Variants in SYNDIG1 observed in about 807,000 individuals in gnomAD.
SYNDIG1 encodes synapse differentiation inducing 1.
Under a neutral mutation model 19.4 loss-of-function variants are expected in SYNDIG1, and 9 were observed. That is an observed-to-expected ratio of 0.46 (90% CI 0.28 to 0.81). SYNDIG1 has a LOEUF of 0.81. SYNDIG1 is among the 30% of genes least tolerant of loss of function. The pLI, the probability that SYNDIG1 is intolerant of heterozygous loss-of-function variation, is 0.12. For synonymous variants in SYNDIG1, 141 were observed against 145.9 expected, an observed-to-expected ratio of 0.97 and a Z score of 0.24; for missense variants, 311 against 343.3, an observed-to-expected ratio of 0.91 and a Z score of 0.74.
chr20:24,562,631 C>T (rs2057968657), intron 2 of SYNDIG1, among the ~76,000 whole-genome samples: 1 of 152,148 alleles, frequency 6.6e-6, no homozygotes, highest in Non-Finnish European at 1.5e-5. Flanking sequence ...TCTTCATTTT[C>T]CTCTGAAACA....
chr20:24,548,697 T>C (rs2057640964), intron 2 of SYNDIG1, among the ~76,000 whole-genome samples: 1 of 152,190 alleles, frequency 6.6e-6, no homozygotes. Flanking sequence ...GGGGTTTTGT[T>C]TTGCTCATTT....
intron 3 of SYNDIG1, among the ~76,000 whole-genome samples, chr20:24,627,063 G>A (rs1009014437): frequency 6.6e-6 from 1 of 151,918 alleles, no homozygotes; most frequent in African/African-American, 2.4e-5. Context: ...GAGGGAGACC[G>A]TGGAAAGAGA....
chr20:24,493,638 C>G (rs2056218697), intron 1 of SYNDIG1, among the ~76,000 whole-genome samples: 1 of 152,250 alleles, frequency 6.6e-6, no homozygotes, highest in African/African-American at 2.4e-5. Flanking sequence ...TTTGTCACTG[C>G]TCTGTCAACT....
At chr20:24,623,633 G>A (rs2059072801) in intron 3 of SYNDIG1, among the ~76,000 whole-genome samples, 1 of 152,114 alleles carries the variant, frequency 6.6e-6, no homozygotes, top group African/African-American at 2.4e-5. Flanking sequence ...AAATGAGAAG[G>A]GCATTGACAA....
intron 3 of SYNDIG1, among the ~76,000 whole-genome samples, chr20:24,599,708 T>TA (rs768354351): frequency 2.4e-4 from 36 of 152,214 alleles, no homozygotes; most frequent in Non-Finnish European, 4.0e-4. Flanking sequence ...TGGAGATTAT[T>TA]AAGTGAAATA....
At chr20:24,516,109 C>T (rs544279370) in intron 1 of SYNDIG1, among the ~76,000 whole-genome samples, 6 of 152,156 alleles carry the variant, frequency 3.9e-5, no homozygotes, top group Non-Finnish European at 8.8e-5. Context: ...TATTTAATAA[C>T]TGGTGCTGGG....
At chr20:24,565,810 C>T (rs1476562570) in intron 2 of SYNDIG1, among the ~76,000 whole-genome samples, 1 of 152,138 alleles carries the variant, frequency 6.6e-6, no homozygotes, top group Non-Finnish European at 1.5e-5. Flanking sequence ...CTCAACCACT[C>T]CATGGGCTTT....
chr20:24,611,595 G>A (rs1213326161), intron 3 of SYNDIG1, among the ~76,000 whole-genome samples: 6 of 149,944 alleles, frequency 4.0e-5, no homozygotes, highest in South Asian at 2.1e-4. Flanking sequence ...ACTCTGGTAT[G>A]CCCTTGCCAC....
At chr20:24,539,413 A>G (rs769343465) in intron 1 of SYNDIG1, among the ~76,000 whole-genome samples, 1 of 152,210 alleles carries the variant, frequency 6.6e-6, no homozygotes, top group Non-Finnish European at 1.5e-5. Context: ...TGTATAAGCA[A>G]GGGTTTATTT....
chr20:24,487,849 G>T (rs745589415), intron 1 of SYNDIG1, among the ~76,000 whole-genome samples: 25 of 152,138 alleles, frequency 1.6e-4, no homozygotes, highest in Non-Finnish European at 2.8e-4. Flanking sequence ...CCCATAACTG[G>T]CTTGGAGCAC....
intron 1 of SYNDIG1, among the ~76,000 whole-genome samples, chr20:24,484,301 G>T (rs1237167912): frequency 5.9e-5 from 9 of 152,140 alleles, no homozygotes; most frequent in Admixed American, 1.3e-4. Context: ...GCTACTGGGG[G>T]TCAGCCAGGT....
At chr20:24,551,236 T>G (rs942802806) in intron 2 of SYNDIG1, among the ~76,000 whole-genome samples, 2 of 152,250 alleles carry the variant, frequency 1.3e-5, no homozygotes, top group East Asian at 3.8e-4. Flanking sequence ...CCTTTATTCT[T>G]GTCCCAGTTT....
intron 3 of SYNDIG1, among the ~76,000 whole-genome samples, chr20:24,598,818 T>C (rs2058635489): frequency 6.6e-6 from 1 of 152,196 alleles, no homozygotes; most frequent in Admixed American, 6.5e-5. Context: ...CCTTTATCTT[T>C]CATCATACGC....
At chr20:24,613,766 T>C (rs2058885461) in intron 3 of SYNDIG1, among the ~76,000 whole-genome samples, 1 of 152,180 alleles carries the variant, frequency 6.6e-6, no homozygotes, top group Non-Finnish European at 1.5e-5. Context: ...CATTCCCAGC[T>C]TAAATCATGA....
chr20:24,483,088 G>A (rs980169673), intron 1 of SYNDIG1, among the ~76,000 whole-genome samples: 6 of 152,116 alleles, frequency 3.9e-5, no homozygotes, highest in Non-Finnish European at 7.3e-5. Flanking sequence ...GTAATGTTTC[G>A]GCTACACGTT....
chr20:24,547,203 C>T (rs771264842), intron 2 of SYNDIG1, among the ~76,000 whole-genome samples: 1 of 152,226 alleles, frequency 6.6e-6, no homozygotes, highest in Non-Finnish European at 1.5e-5. Context: ...TGCTGGAGCT[C>T]CTGGGCACTG....
At chr20:24,539,263 G>A (rs1038835439) in intron 1 of SYNDIG1, among the ~76,000 whole-genome samples, 2 of 152,022 alleles carry the variant, frequency 1.3e-5, no homozygotes, top group African/African-American at 2.4e-5. Flanking sequence ...ATTTGGGATT[G>A]GTTTTTGAAT....
intron 1 of SYNDIG1, among the ~76,000 whole-genome samples, chr20:24,470,736 A>G (rs2055411527): frequency 6.6e-6 from 1 of 152,194 alleles, no homozygotes; most frequent in Non-Finnish European, 1.5e-5. Context: ...CGTTTCTGAA[A>G]GACGAGAGGA....
At chr20:24,542,031 G>A (rs901482266) in intron 1 of SYNDIG1, among the ~76,000 whole-genome samples, 1 of 152,144 alleles carries the variant, frequency 6.6e-6, no homozygotes, top group Non-Finnish European at 1.5e-5. Flanking sequence ...GAATTATGAA[G>A]CAAAGGCAAT....
Sources: gnomAD v4.1 joint callset for allele counts (sites outside exome capture counted in the v4.1 genomes callset) on GRCh38, gnomAD v4.1.1 for gene constraint, MANE v1.5 for transcripts, NCBI Gene and HGNC (gene_info 2026-07-23, HGNC 2026-07-21) for gene names.